CADPS2: variants seen among roughly 807,000 people sequenced by gnomAD.
CADPS2 encodes calcium-dependent secretion activator 2.
Under a neutral mutation model 172.5 loss-of-function variants are expected in CADPS2, and 93 were observed. The ratio of observed to expected loss-of-function variants is 0.54; its 90% CI spans 0.46 to 0.64. CADPS2 has a LOEUF of 0.64. Ranked by LOEUF, CADPS2 falls within the 30% of genes least tolerant of loss-of-function variation. CADPS2 has a pLI of 0.00. For missense variants in CADPS2, 1,420 were observed against 1,565.9 expected (o/e 0.91, Z 1.57); for synonymous variants, 546 against 555.2 (o/e 0.98, Z 0.23).
chr7:122,471,844 C>T (rs1257240438), intron 13 of CADPS2, among the ~76,000 whole-genome samples: 3 of 152,024 alleles, frequency 2.0e-5, no homozygotes, highest in Admixed American at 6.6e-5. Context: ...TTCATAGGAT[C>T]TAAATTATCA....
chr7:122,813,067 C>T (rs1015415595), intron 1 of CADPS2, among the ~76,000 whole-genome samples: 5 of 152,132 alleles, frequency 3.3e-5, no homozygotes, highest in Admixed American at 1.3e-4. Context: ...GGCCCTATCA[C>T]TTTCCATTCT....
At chr7:122,870,017 C>T (rs1252700853) in intron 1 of CADPS2, among the ~76,000 whole-genome samples, 3 of 151,842 alleles carry the variant, frequency 2.0e-5, no homozygotes, top group Admixed American at 1.3e-4. Flanking sequence ...CACAAAGGAA[C>T]ACAGCAAAAG....
At chr7:122,392,720 G>C (rs73216116) in intron 22 of CADPS2, among the ~76,000 whole-genome samples, 1 of 151,920 alleles carries the variant, frequency 6.6e-6, no homozygotes, top group Admixed American at 6.6e-5. Flanking sequence ...CTGCAATGAT[G>C]CAGTACTGTT....
intron 2 of CADPS2, among the ~76,000 whole-genome samples, chr7:122,733,346 C>A (rs2091863668): frequency 6.6e-6 from 1 of 151,926 alleles, no homozygotes; most frequent in Non-Finnish European, 1.5e-5. Context: ...TACCCATTCA[C>A]TCAGTCATCA....
chr7:122,323,474 T>A (rs2033041093), intron 29 of CADPS2, among the ~76,000 whole-genome samples: 1 of 152,136 alleles, frequency 6.6e-6, no homozygotes, highest in Non-Finnish European at 1.5e-5. Flanking sequence ...ACTTAAGATC[T>A]ACTCTCTTAG....
At chr7:122,681,730 AAATAAT>A (rs1035754148) in intron 2 of CADPS2, 1 of 581,996 alleles carries the variant, frequency 1.7e-6, no homozygotes, top group Non-Finnish European at 2.9e-6. Flanking sequence ...AATTGTAAAA[AAATAAT>A]AATAATAATA....
chr7:122,834,653 T>C (rs973143365), intron 1 of CADPS2, among the ~76,000 whole-genome samples: 3 of 152,168 alleles, frequency 2.0e-5, no homozygotes, highest in East Asian at 3.9e-4. Flanking sequence ...GCGCCTGGCT[T>C]GGAGGGTCCC....
At chr7:122,605,187 G>C (rs1587769669) in intron 6 of CADPS2, among the ~76,000 whole-genome samples, 1 of 152,128 alleles carries the variant, frequency 6.6e-6, no homozygotes, top group South Asian at 2.1e-4. Context: ...TGCAGGACGG[G>C]AAGTTGCTCT....
At chr7:122,738,852 GGA>G (rs2092324631) in intron 1 of CADPS2, among the ~76,000 whole-genome samples, 3 of 117,180 alleles carry the variant, frequency 2.6e-5, no homozygotes, top group South Asian at 7.3e-4. Context: ...ACCCAGGGGG[GGA>G]AAAAAAAAAA....
At chr7:122,639,888 C>G (rs1422209163) in intron 3 of CADPS2, among the ~76,000 whole-genome samples, 2 of 152,142 alleles carry the variant, frequency 1.3e-5, no homozygotes, top group African/African-American at 4.8e-5. Context: ...AGCCTATGAT[C>G]ATAAGCAGCA....
At chr7:122,695,490 G>C (rs1269958011) in intron 2 of CADPS2, among the ~76,000 whole-genome samples, 1 of 152,264 alleles carries the variant, frequency 6.6e-6, no homozygotes, top group Admixed American at 6.5e-5. Flanking sequence ...AGTAAAAGGG[G>C]TTTATTGATC....
intron 4 of CADPS2, among the ~76,000 whole-genome samples, chr7:122,626,469 C>T (rs1482893152): frequency 6.6e-6 from 1 of 152,154 alleles, no homozygotes; most frequent in African/African-American, 2.4e-5. Flanking sequence ...GCCTGAATAT[C>T]TGGAAGGATT....
At chr7:122,798,013 A>G (rs1299518339) in intron 1 of CADPS2, among the ~76,000 whole-genome samples, 6 of 151,230 alleles carry the variant, frequency 4.0e-5, no homozygotes, top group Non-Finnish European at 8.8e-5. Flanking sequence ...TTTTTTTTCA[A>G]TGTTATATAT....
At chr7:122,866,626 G>C (rs148488703) in intron 1 of CADPS2, among the ~76,000 whole-genome samples, 2 of 152,124 alleles carry the variant, frequency 1.3e-5, no homozygotes, top group African/African-American at 2.4e-5. Context: ...GCTTGAACCC[G>C]GCAGGTAGAG....
chr7:122,832,491 G>T (rs971355510), intron 1 of CADPS2, among the ~76,000 whole-genome samples: 1 of 152,094 alleles, frequency 6.6e-6, no homozygotes, highest in Non-Finnish European at 1.5e-5. Context: ...CGGTCATTTG[G>T]AGATATAAGC....
intron 1 of CADPS2, among the ~76,000 whole-genome samples, chr7:122,787,378 C>T (rs1794289679): frequency 1.3e-5 from 2 of 152,188 alleles, no homozygotes; most frequent in Non-Finnish European, 2.9e-5. Flanking sequence ...CAGCTAGTTA[C>T]TTGTTATCAA....
At chr7:122,410,072 G>A (rs1254584125) in intron 19 of CADPS2, among the ~76,000 whole-genome samples, 6 of 152,172 alleles carry the variant, frequency 3.9e-5, no homozygotes, top group South Asian at 4.2e-4. Flanking sequence ...GGCAGGGTGC[G>A]GTGGCTCACA....
chr7:122,609,005 T>C (rs1025071555), intron 6 of CADPS2, among the ~76,000 whole-genome samples: 2 of 152,076 alleles, frequency 1.3e-5, no homozygotes, highest in Admixed American at 1.3e-4. Flanking sequence ...CTGGGTAACA[T>C]AGTGAGACTT....
intron 2 of CADPS2, among the ~76,000 whole-genome samples, chr7:122,708,210 T>C (rs537636753): frequency 1.3e-5 from 2 of 151,838 alleles, no homozygotes; most frequent in African/African-American, 4.8e-5. Flanking sequence ...CTCATCTTTT[T>C]AATACCCAGC....
Sources: allele counts gnomAD v4.1 joint callset (sites outside exome capture counted in the v4.1 genomes callset), GRCh38; gene constraint gnomAD v4.1.1; transcripts MANE v1.5; gene names NCBI Gene and HGNC (gene_info 2026-07-23, HGNC 2026-07-21).